SORBS2: variants seen among roughly 807,000 people sequenced by gnomAD.
SORBS2 encodes sorbin and SH3 domain containing 2.
A neutral mutation model predicts 97.7 loss-of-function variants in SORBS2; 46 were observed. The ratio of observed to expected loss-of-function variants is 0.47; its 90% confidence interval spans 0.37 to 0.60. The LOEUF (loss-of-function observed/expected upper bound fraction) is 0.60. Among genes scored for constraint, SORBS2 ranks in the 20% least tolerant of loss-of-function variants. SORBS2 has a pLI of 0.00. For synonymous variants in SORBS2, 476 were observed against 473.4 expected (o/e 1.01, Z -0.07); for missense variants, 1,316 against 1,282.3 (o/e 1.03, Z -0.40).
intron 1 of SORBS2, among the ~76,000 whole-genome samples, chr4:185,944,546 G>A (rs904475341): frequency 1.3e-5 from 2 of 152,168 alleles, no homozygotes; most frequent in African/African-American, 4.8e-5. Context: ...AAATCACACA[G>A]CCCTTTTGAT....
chr4:185,677,880 A>G (rs914474290), intron 4 of SORBS2, among the ~76,000 whole-genome samples: 1 of 152,226 alleles, frequency 6.6e-6, no homozygotes, highest in Non-Finnish European at 1.5e-5. Flanking sequence ...GCCAGAGAAT[A>G]CATTATAACA....
At chr4:185,659,714 C>T (rs2097484247), upstream of SORBS2, among the ~76,000 whole-genome samples, 1 of 152,162 alleles carries the variant, frequency 6.6e-6, no homozygotes, top group Non-Finnish European at 1.5e-5. Context: ...AGCCACCGCG[C>T]CCGGCTAAGC....
intron 2 of SORBS2, among the ~76,000 whole-genome samples, chr4:185,752,805 T>G (rs2098809166): frequency 6.6e-6 from 1 of 152,220 alleles, no homozygotes; most frequent in South Asian, 2.1e-4. Context: ...TCCTTCCAAA[T>G]TGCTAATGAA....
At chr4:185,763,872 A>G (rs916477036) in intron 2 of SORBS2, among the ~76,000 whole-genome samples, 1 of 152,360 alleles carries the variant, frequency 6.6e-6, no homozygotes, top group East Asian at 1.9e-4. Flanking sequence ...GCATTTTAGC[A>G]TAATTGGAAT....
At chr4:185,656,440 CTT>C (rs35080375) in intron 1 of SORBS2, among the ~76,000 whole-genome samples, 34 of 141,012 alleles carry the variant, frequency 2.4e-4, no homozygotes, top group Middle Eastern at 3.6e-3. Flanking sequence ...CTTACCACGG[CTT>C]TTTTTTTTTT....
chr4:185,626,924 G>A, exon 6 of SORBS2: 1 of 1,614,194 alleles, frequency 6.2e-7, no homozygotes, highest in Non-Finnish European at 8.5e-7. Flanking sequence ...GCCTGGGCTA[G>A]TCCTGCTCGC....
intron 2 of SORBS2, among the ~76,000 whole-genome samples, chr4:185,736,287 A>AT (rs2098687251): frequency 6.6e-6 from 1 of 152,264 alleles, no homozygotes; most frequent in South Asian, 2.1e-4. Flanking sequence ...CTGGGCTTCT[A>AT]TTAAAATAAA....
At chr4:185,940,632 T>C (rs954363662) in intron 1 of SORBS2, among the ~76,000 whole-genome samples, 1 of 152,182 alleles carries the variant, frequency 6.6e-6, no homozygotes, top group South Asian at 2.1e-4. Flanking sequence ...CCCTTCAGAC[T>C]CTGACCCCAC....
chr4:185,759,927 A>G (rs2098860873), intron 2 of SORBS2, among the ~76,000 whole-genome samples: 2 of 152,248 alleles, frequency 1.3e-5, no homozygotes, highest in Non-Finnish European at 2.9e-5. Context: ...CATTAAGGTT[A>G]GACATTTAAC....
chr4:185,614,741 C>A (rs2096602272), intron 11 of SORBS2, 90 bp downstream of exon 23: 1 of 1,435,150 alleles, frequency 7.0e-7, no homozygotes, highest in African/African-American at 1.4e-5. Flanking sequence ...AAAAAGATAA[C>A]CTATTTTAGT....
chr4:185,638,844 G>T, intron 4 of SORBS2, 33 bp downstream of exon 14: 1 of 1,424,602 alleles, frequency 7.0e-7, no homozygotes, highest in Non-Finnish European at 9.1e-7. Context: ...CCTCTGCCGG[G>T]CATGAAGAAA....
At chr4:185,722,621 G>T (rs954399486) in intron 2 of SORBS2, among the ~76,000 whole-genome samples, 11 of 152,154 alleles carry the variant, frequency 7.2e-5, no homozygotes, top group Non-Finnish European at 1.3e-4. Flanking sequence ...TTCTGAGACA[G>T]AATTTTGAGA....
intron 12 of SORBS2, among the ~76,000 whole-genome samples, chr4:185,603,592 T>C (rs1001107552): frequency 2.0e-5 from 3 of 152,210 alleles, no homozygotes; most frequent in Non-Finnish European, 4.4e-5. Context: ...GCAGAGGCTC[T>C]CATTTCACAT....
intron 2 of SORBS2, among the ~76,000 whole-genome samples, chr4:185,693,106 A>G (rs529191455): frequency 6.6e-6 from 1 of 152,180 alleles, no homozygotes; most frequent in Non-Finnish European, 1.5e-5. Context: ...CTGAGTTTCC[A>G]CAGGGTTATG....
chr4:185,667,210 C>G (rs935858053), intron 4 of SORBS2, among the ~76,000 whole-genome samples: 1 of 151,996 alleles, frequency 6.6e-6, no homozygotes, highest in Non-Finnish European at 1.5e-5. Context: ...AGATAGATGG[C>G]CAGAGGTATT....
At chr4:185,644,981 A>G (rs1276527989) in intron 4 of SORBS2, among the ~76,000 whole-genome samples, 2 of 152,196 alleles carry the variant, frequency 1.3e-5, no homozygotes, top group African/African-American at 4.8e-5. Context: ...ATTAAATGAT[A>G]GACTTGAAGT....
chr4:185,918,311 G>A (rs191688068), intron 1 of SORBS2: 20 of 152,196 alleles, frequency 1.3e-4, no homozygotes, highest in African/African-American at 2.2e-4. Flanking sequence ...TTGTTCGTAC[G>A]TTTTCATGGT....
upstream of SORBS2, among the ~76,000 whole-genome samples, chr4:185,661,516 T>C (rs973230976): frequency 6.6e-6 from 1 of 152,170 alleles, no homozygotes; most frequent in Non-Finnish European, 1.5e-5. Flanking sequence ...TTGAGAACGA[T>C]TGCTCTATAC....
At chr4:185,797,013 C>T (rs566183205) in intron 1 of SORBS2, among the ~76,000 whole-genome samples, 25 of 152,310 alleles carry the variant, frequency 1.6e-4, no homozygotes, top group East Asian at 3.9e-4. Context: ...GCTTCCAGAG[C>T]GAATGTGGAC....
Sources: gnomAD v4.1 joint callset for allele counts (sites outside exome capture counted in the v4.1 genomes callset) on GRCh38, gnomAD v4.1.1 for gene constraint, MANE v1.5 for transcripts, NCBI Gene and HGNC (gene_info 2026-07-23, HGNC 2026-07-21) for gene names.